The following ST8SIA2 variants were observed in gnomAD, a reference collection of about 807,000 sequenced individuals.
The protein encoded by ST8SIA2 is ST8 alpha-N-acetyl-neuraminide alpha-2,8-sialyltransferase 2, also known as alpha-2,8-sialyltransferase 8B.
A neutral mutation model predicts 37.6 loss-of-function variants in ST8SIA2; 22 were observed. The ratio of observed to expected loss-of-function variants is 0.58; its 90% CI spans 0.42 to 0.83. The LOEUF is 0.83. Ranked by LOEUF, ST8SIA2 falls within the 40% of genes least tolerant of loss-of-function variation. The pLI, the probability that ST8SIA2 is intolerant of heterozygous loss-of-function variation, is 0.00. For synonymous variants in ST8SIA2, 205 were observed against 201.2 expected, an observed-to-expected ratio of 1.02 and a Z score of -0.16; for missense variants, 382 against 484.7, an observed-to-expected ratio of 0.79 and a Z score of 1.99.
chr15:92,394,226 C>T lies in ST8SIA2; in HGVS notation c.98+64C>T, dbSNP rs912084194. On this transcript the variant is annotated intron_variant, in intron 1 of 5. Transcript: ENST00000268164. ...CGGGATCTCTCCCTCCTTCTGTACT[C>T]TCCACCCTCCGACCCCCTTTGTGTG... 4 of 1,356,906 alleles carry T rather than the reference C, an allele frequency of 2.9e-6. No individual in the cohort carries two copies. The African/African-American group carries it at 5.8e-5, about 20-fold the overall frequency. 84.1% of individuals were successfully genotyped at this position (1,356,906 alleles called of 1,614,324 possible).
At chr15:92,452,825 C>T (rs2049891602) in intron 5 of ST8SIA2, among the ~76,000 whole-genome samples, 1 of 152,164 alleles carries the variant, frequency 6.6e-6, no homozygotes, top group Non-Finnish European at 1.5e-5. Context: ...CCTCTCCTTT[C>T]TACTCATAAG....
chr15:92,398,042 A>T (rs1207844748), intron 1 of ST8SIA2, among the ~76,000 whole-genome samples: 1 of 152,216 alleles, frequency 6.6e-6, no homozygotes, highest in African/African-American at 2.4e-5. Flanking sequence ...CTGAGGCAGG[A>T]GAATGGCTTG....
chr15:92,397,314 G>A (rs543789607), intron 1 of ST8SIA2, among the ~76,000 whole-genome samples: 2 of 152,256 alleles, frequency 1.3e-5, no homozygotes, highest in South Asian at 4.2e-4. Context: ...TGGTCTCAGA[G>A]GTCCTGTCCT....
At chr15:92,423,656 A>G (rs1461731584) in intron 1 of ST8SIA2, among the ~76,000 whole-genome samples, 1 of 152,230 alleles carries the variant, frequency 6.6e-6, no homozygotes, top group African/African-American at 2.4e-5. Flanking sequence ...GAATGGCAGA[A>G]AAAAGTGAAC....
intron 5 of ST8SIA2, among the ~76,000 whole-genome samples, chr15:92,446,807 C>A (rs953250941): frequency 6.6e-6 from 1 of 152,084 alleles, no homozygotes; most frequent in Admixed American, 6.5e-5. Flanking sequence ...ACCTTAAGTG[C>A]AAAGGCCTTG....
chr15:92,396,475 T>TG (rs2049431237), intron 1 of ST8SIA2, among the ~76,000 whole-genome samples: 1 of 151,948 alleles, frequency 6.6e-6, no homozygotes, highest in African/African-American at 2.4e-5. Flanking sequence ...TTTTTGTTTT[T>TG]TTTTTTGTCT....
At position 92,393,897 on chromosome 15, in the gene ST8SIA2, T is replaced by TCGCTGCCGCTGC. The variant is rs965021609; in HGVS notation, c.-152_-141dup. 1.0e-4 allele frequency: 25 copies of TCGCTGCCGCTGC among 246,082 alleles called. 1 individual carries two copies. Among genetic ancestry groups the TCGCTGCCGCTGC allele is most frequent in the Admixed American group, 4.0e-4 (7 of 17,308 alleles). 15.2% of individuals were successfully genotyped at this position (246,082 alleles called of 1,614,324 possible). On this transcript the variant is annotated 5_prime_UTR_variant, in exon 1 of 6. Coordinates refer to ENST00000268164, the MANE Select transcript of ST8SIA2 (RefSeq NM_006011.4). ...GCCGCGCCTGAGCAACCCCTGCCTG[T>TCGCTGCCGCTGC]CGCTGCCGCTGCCGCTGCCGCTGCC...
intron 1 of ST8SIA2, among the ~76,000 whole-genome samples, chr15:92,416,462 C>G (rs1390490802): frequency 6.6e-6 from 1 of 152,046 alleles, no homozygotes; most frequent in Admixed American, 6.6e-5. Flanking sequence ...GTTTGGAAAA[C>G]CGGCGCGTGC....
chr15:92,414,416 G>A (rs1469461046), intron 1 of ST8SIA2, among the ~76,000 whole-genome samples: 2 of 152,152 alleles, frequency 1.3e-5, no homozygotes, highest in Non-Finnish European at 2.9e-5. Context: ...CTCATCTCAG[G>A]TTCTGACAAG....
At chr15:92,427,288 T>C (rs1207772597) in intron 1 of ST8SIA2, among the ~76,000 whole-genome samples, 3 of 143,954 alleles carry the variant, frequency 2.1e-5, no homozygotes, top group Non-Finnish European at 4.5e-5. Flanking sequence ...AAAGCAAAGA[T>C]TAATGCATCC....
intron 1 of ST8SIA2, among the ~76,000 whole-genome samples, chr15:92,412,942 G>A (rs984831220): frequency 2.6e-5 from 4 of 152,162 alleles, no homozygotes; most frequent in Non-Finnish European, 5.9e-5. Flanking sequence ...ACAGGCGTGA[G>A]CCACTGCACC....
chr15:92,444,932 G>A lies in ST8SIA2; in HGVS notation c.842+3G>A, dbSNP rs761165111. On this transcript the variant is annotated splice_donor_region_variant and intron_variant, in intron 5 of 5. Coordinates refer to ENST00000268164, the MANE Select transcript of ST8SIA2 (RefSeq NM_006011.4). ...CGCCTGCTGCACGCCGTTCGCGGGT[G>A]AGCGGCCTCCCTACAGGCCAGTAGG... is the stretch of plus-strand genomic sequence containing the variant. 3.7e-6 allele frequency: 6 copies of A among 1,609,564 alleles called. No homozygotes were observed. The highest frequency in any genetic ancestry group is 1.7e-5 in the Admixed American group (1 of 60,034).
chr15:92,401,294 G>C (rs571062564), intron 1 of ST8SIA2, among the ~76,000 whole-genome samples: 1 of 152,324 alleles, frequency 6.6e-6, no homozygotes, highest in African/African-American at 2.4e-5. Flanking sequence ...CCCTGGGCTT[G>C]CTTACCATCT....
At chr15:92,398,547 G>A (rs2049448557) in intron 1 of ST8SIA2, among the ~76,000 whole-genome samples, 1 of 152,220 alleles carries the variant, frequency 6.6e-6, no homozygotes, top group South Asian at 2.1e-4. Flanking sequence ...CAGCCTCATG[G>A]CAATCCAGTG....
At chr15:92,420,009 G>A (rs947960030) in intron 1 of ST8SIA2, among the ~76,000 whole-genome samples, 2 of 152,190 alleles carry the variant, frequency 1.3e-5, no homozygotes, top group African/African-American at 4.8e-5. Flanking sequence ...AGGATTACAG[G>A]CGTGCACCAC....
At chr15:92,451,096 T>G (rs2049878605) in intron 5 of ST8SIA2, among the ~76,000 whole-genome samples, 1 of 152,202 alleles carries the variant, frequency 6.6e-6, no homozygotes, top group African/African-American at 2.4e-5. Context: ...CTTGTTACCT[T>G]CATTTTGCAA....
At chr15:92,444,304 T>A (rs58300048) in intron 4 of ST8SIA2, among the ~76,000 whole-genome samples, 3,980 of 152,222 alleles carry the variant, frequency 0.026, 150 homozygotes, top group African/African-American at 0.09. Context: ...ATGGGCCAGA[T>A]CACTCTTGGC....
chr15:92,460,490 C>A (rs561905946), intron 5 of ST8SIA2, among the ~76,000 whole-genome samples: 1 of 152,254 alleles, frequency 6.6e-6, no homozygotes, highest in Non-Finnish European at 1.5e-5. Context: ...AGGATCTCAG[C>A]ATCAGCTGCT....
At chr15:92,409,790 C>T (rs568354051) in intron 1 of ST8SIA2, among the ~76,000 whole-genome samples, 1 of 152,340 alleles carries the variant, frequency 6.6e-6, no homozygotes, top group South Asian at 2.1e-4. Flanking sequence ...TTTCCTGGTA[C>T]CTGGTTTCTG....
Sources: gnomAD v4.1 joint callset for allele counts (sites outside exome capture counted in the v4.1 genomes callset) on GRCh38, gnomAD v4.1.1 for gene constraint, MANE v1.5 for transcripts, NCBI Gene and HGNC (gene_info 2026-07-23, HGNC 2026-07-21) for gene names.